The following SCHIP1 variants were observed in gnomAD, a reference collection of about 807,000 sequenced individuals.
The protein encoded by SCHIP1 is schwannomin-interacting protein 1.
A neutral mutation model predicts 29.7 loss-of-function variants in SCHIP1; 8 were observed. The observed-to-expected ratio is 0.27, with a 90% CI of 0.16 to 0.49. SCHIP1 has a LOEUF of 0.49. Among genes scored for constraint, SCHIP1 ranks in the 20% least tolerant of loss-of-function variants. SCHIP1 has a pLI of 0.99. For missense variants in SCHIP1, 193 were observed against 294.6 expected (o/e 0.66, Z 2.52); for synonymous variants, 76 against 94.9 (o/e 0.80, Z 1.16).
chr3:159,657,998 T>G, the SCHIP1 span, among the ~76,000 whole-genome samples: 10 of 152,354 alleles, frequency 6.6e-5, no homozygotes, highest in African/African-American at 2.2e-4. Flanking sequence ...GCCATTGATG[T>G]CCGGCAAATG....
chr3:159,776,375 C>T, the SCHIP1 span, among the ~76,000 whole-genome samples: 1 of 137,424 alleles, frequency 7.3e-6, no homozygotes, highest in Admixed American at 7.8e-5. Context: ...TTGTGAAGAG[C>T]GAAAGAACAA....
the SCHIP1 span, among the ~76,000 whole-genome samples, chr3:159,437,206 G>T: frequency 6.6e-6 from 1 of 152,052 alleles, no homozygotes; most frequent in African/African-American, 2.4e-5. Flanking sequence ...CCTGCTAGCT[G>T]CCAGCCATGC....
At chr3:159,519,233 A>G in the SCHIP1 span, among the ~76,000 whole-genome samples, 2 of 152,202 alleles carry the variant, frequency 1.3e-5, no homozygotes, top group Non-Finnish European at 2.9e-5. Context: ...TAAATAAAAG[A>G]GAAGAAGCAA....
the SCHIP1 span, among the ~76,000 whole-genome samples, chr3:159,330,140 A>G: frequency 6.6e-6 from 1 of 152,202 alleles, no homozygotes; most frequent in South Asian, 2.1e-4. Flanking sequence ...GGGTAAAACC[A>G]ACCACATCAC....
At chr3:159,539,328 G>A in the SCHIP1 span, among the ~76,000 whole-genome samples, 2 of 92,348 alleles carry the variant, frequency 2.2e-5, 1 homozygote, top group Non-Finnish European at 5.5e-5. Flanking sequence ...GCATGCAAGA[G>A]AGCATAAATA....
chr3:159,694,537 C>CAAGAAAGA, the SCHIP1 span, among the ~76,000 whole-genome samples: 645 of 119,440 alleles, frequency 5.4e-3, 7 homozygotes, highest in South Asian at 8.2e-3. Context: ...AAAGAAAAGA[C>CAAGAAAGA]AAGAAAGAAA....
At chr3:159,680,524 TATATGTATATA>T in the SCHIP1 span, among the ~76,000 whole-genome samples, 8 of 115,234 alleles carry the variant, frequency 6.9e-5, no homozygotes, top group African/African-American at 2.1e-4. Flanking sequence ...AAAATATATA[TATATGTATATA>T]ATATATGTAT....
chr3:159,353,769 G>GAA, the SCHIP1 span, among the ~76,000 whole-genome samples: 1 of 152,094 alleles, frequency 6.6e-6, no homozygotes, highest in South Asian at 2.1e-4. Context: ...GTAGTAATAA[G>GAA]AATAAATTTT....
the SCHIP1 span, among the ~76,000 whole-genome samples, chr3:159,605,495 A>C: frequency 2.6e-5 from 4 of 152,286 alleles, no homozygotes; most frequent in East Asian, 7.7e-4. Flanking sequence ...CTACGATAGG[A>C]AACTGAGTAT....
chr3:159,717,993 C>T, the SCHIP1 span, among the ~76,000 whole-genome samples: 17 of 152,124 alleles, frequency 1.1e-4, no homozygotes, highest in South Asian at 1.0e-3. Context: ...AAAATACTGG[C>T]GAACCAAATC....
chr3:159,611,324 C>T, the SCHIP1 span, among the ~76,000 whole-genome samples: 8 of 152,036 alleles, frequency 5.3e-5, no homozygotes, highest in Admixed American at 2.0e-4. Context: ...ATTAAAAATA[C>T]GAGCTCTTGC....
At chr3:159,509,043 G>T in the SCHIP1 span, among the ~76,000 whole-genome samples, 1 of 152,130 alleles carries the variant, frequency 6.6e-6, no homozygotes, top group Non-Finnish European at 1.5e-5. Flanking sequence ...CTGTCTTGTT[G>T]ATCTGTCTAA....
chr3:159,813,179 A>G, the SCHIP1 span, among the ~76,000 whole-genome samples: 1 of 152,138 alleles, frequency 6.6e-6, no homozygotes, highest in South Asian at 2.1e-4. Flanking sequence ...CATAGCAGCT[A>G]TCTATTTTGT....
chr3:159,498,560 A>G, the SCHIP1 span, among the ~76,000 whole-genome samples: 1 of 152,178 alleles, frequency 6.6e-6, no homozygotes, highest in South Asian at 2.1e-4. Flanking sequence ...GATTCTTTAC[A>G]TGGAAGTTTA....
At chr3:159,563,201 A>G in the SCHIP1 span, among the ~76,000 whole-genome samples, 5 of 152,218 alleles carry the variant, frequency 3.3e-5, no homozygotes, top group East Asian at 3.9e-4. Flanking sequence ...TCAGACCCCT[A>G]TGAATGTAAT....
chr3:159,835,600 G>C (rs2108984128), upstream of SCHIP1, among the ~76,000 whole-genome samples: 1 of 152,270 alleles, frequency 6.6e-6, no homozygotes, highest in East Asian at 1.9e-4. Context: ...TCATCAATTT[G>C]AGTTCATGTT....
chr3:159,337,566 C>A, the SCHIP1 span, among the ~76,000 whole-genome samples: 36,390 of 151,816 alleles, frequency 0.24, 4,706 homozygotes, highest in African/African-American at 0.33. Context: ...ACAAACAGAG[C>A]GCCAAATCAC....
the SCHIP1 span, among the ~76,000 whole-genome samples, chr3:159,378,730 A>G: frequency 1.3e-5 from 2 of 151,856 alleles, no homozygotes; most frequent in African/African-American, 4.8e-5. Flanking sequence ...TATGTTCACC[A>G]TCACCTGTTA....
At chr3:159,739,582 C>T in the SCHIP1 span, among the ~76,000 whole-genome samples, 42,237 of 152,052 alleles carry the variant, frequency 0.28, 5,911 homozygotes, top group Middle Eastern at 0.35. Context: ...CCTCTGGTTT[C>T]CTCTACATTC....
Sources: allele counts gnomAD v4.1 joint callset (sites outside exome capture counted in the v4.1 genomes callset), GRCh38; gene constraint gnomAD v4.1.1; transcripts MANE v1.5; gene names NCBI Gene and HGNC (gene_info 2026-07-23, HGNC 2026-07-21).